Variants in GALNT13 observed in about 807,000 individuals in gnomAD.
GALNT13 encodes the protein UDP-GalNAc:polypeptide N-acetylgalactosaminyltransferase 13.
Under a neutral mutation model 64.2 loss-of-function variants are expected in GALNT13, and 28 were observed. The ratio of observed to expected loss-of-function variants is 0.44; its 90% CI spans 0.32 to 0.60. GALNT13 has a LOEUF of 0.60. Among genes scored for constraint, GALNT13 ranks in the 20% least tolerant of loss-of-function variants. The pLI, the probability that GALNT13 is intolerant of heterozygous loss-of-function variation, is 0.05. For missense variants in GALNT13, 577 were observed against 669.8 expected (o/e 0.86, Z 1.53); for synonymous variants, 214 against 224.6 (o/e 0.95, Z 0.42).
the GALNT13 span, among the ~76,000 whole-genome samples, chr2:153,350,483 A>G: frequency 1.3e-5 from 2 of 150,396 alleles, no homozygotes; most frequent in African/African-American, 4.9e-5. Flanking sequence ...CCCGGGTTCA[A>G]GCGATTCTCC....
the GALNT13 span, among the ~76,000 whole-genome samples, chr2:153,706,141 C>T: frequency 1.3e-5 from 2 of 151,990 alleles, no homozygotes; most frequent in South Asian, 4.2e-4. Flanking sequence ...GCACTACAGG[C>T]CTGCCCCACC....
At chr2:154,335,440 C>A (rs972969156) in intron 9 of GALNT13, among the ~76,000 whole-genome samples, 6 of 151,874 alleles carry the variant, frequency 4.0e-5, no homozygotes, top group Admixed American at 6.6e-5. Flanking sequence ...GTGTTTTCTC[C>A]CCTTTTCAGG....
chr2:153,289,759 T>C, the GALNT13 span, among the ~76,000 whole-genome samples: 80,965 of 152,044 alleles, frequency 0.53, 22,189 homozygotes, highest in Middle Eastern at 0.65. Context: ...GGGAAGGAGC[T>C]AAACTGCAGG....
chr2:153,739,688 T>G, the GALNT13 span, among the ~76,000 whole-genome samples: 1 of 150,450 alleles, frequency 6.6e-6, no homozygotes, highest in Non-Finnish European at 1.5e-5. Flanking sequence ...CATTAATTGA[T>G]TTATCAATGT....
At chr2:154,297,353 C>T (rs375487987) in intron 8 of GALNT13, among the ~76,000 whole-genome samples, 7 of 152,226 alleles carry the variant, frequency 4.6e-5, no homozygotes, top group African/African-American at 1.7e-4. Flanking sequence ...AGAGGGCTCC[C>T]ACAAAATTCA....
At chr2:154,031,390 A>G (rs1456871785) in intron 3 of GALNT13, among the ~76,000 whole-genome samples, 2 of 152,086 alleles carry the variant, frequency 1.3e-5, no homozygotes, top group African/African-American at 2.4e-5. Flanking sequence ...GAAAGATGGT[A>G]GATTTTTAAT....
the GALNT13 span, among the ~76,000 whole-genome samples, chr2:153,803,317 G>T: frequency 6.6e-6 from 1 of 152,170 alleles, no homozygotes; most frequent in Non-Finnish European, 1.5e-5. Flanking sequence ...TACATTTGAA[G>T]ATAGAGTTTT....
intron 3 of GALNT13, among the ~76,000 whole-genome samples, chr2:154,113,827 G>A (rs947018711): frequency 6.6e-6 from 1 of 152,236 alleles, no homozygotes; most frequent in African/African-American, 2.4e-5. Context: ...GTGCATTGCT[G>A]GCCTTGCCAG....
At chr2:153,407,958 T>C in the GALNT13 span, among the ~76,000 whole-genome samples, 2 of 152,160 alleles carry the variant, frequency 1.3e-5, no homozygotes, top group Non-Finnish European at 2.9e-5. Context: ...GCTGGTGTCA[T>C]AGCATCGAAA....
chr2:153,785,450 G>A, the GALNT13 span, among the ~76,000 whole-genome samples: 3 of 152,114 alleles, frequency 2.0e-5, no homozygotes, highest in South Asian at 2.1e-4. Flanking sequence ...AATCTGAGGC[G>A]ACTATGGACT....
chr2:153,264,580 A>G, the GALNT13 span, among the ~76,000 whole-genome samples: 1 of 152,238 alleles, frequency 6.6e-6, no homozygotes, highest in Non-Finnish European at 1.5e-5. Flanking sequence ...AATGTGGTAC[A>G]TATGAATCAT....
the GALNT13 span, among the ~76,000 whole-genome samples, chr2:153,533,723 C>CTTTTTGTTTTTTTTTTTTT: frequency 2.1e-5 from 1 of 48,734 alleles, no homozygotes; most frequent in East Asian, 1.1e-3. Context: ...TGAGGTTTTT[C>CTTTTTGTTTTTTTTTTTTT]TTTTTTTTTT....
intron 11 of GALNT13, among the ~76,000 whole-genome samples, chr2:154,413,293 G>A (rs1346179797): frequency 6.6e-6 from 1 of 151,778 alleles, no homozygotes; most frequent in Non-Finnish European, 1.5e-5. Context: ...TCTGAAGTCC[G>A]ATTAGTCACC....
intron 10 of GALNT13, among the ~76,000 whole-genome samples, chr2:154,405,806 G>C (rs1377413777): frequency 1.3e-5 from 2 of 152,056 alleles, no homozygotes; most frequent in African/African-American, 2.4e-5. Context: ...CCCTGCGAGA[G>C]TGATCCATAA....
chr2:153,847,556 A>G, the GALNT13 span, among the ~76,000 whole-genome samples: 10 of 152,146 alleles, frequency 6.6e-5, no homozygotes, highest in African/African-American at 2.2e-4. Flanking sequence ...TTTGGAATCA[A>G]TTGCAAAGAG....
intron 11 of GALNT13, among the ~76,000 whole-genome samples, chr2:154,428,630 A>G (rs1452590546): frequency 6.6e-6 from 1 of 152,206 alleles, no homozygotes; most frequent in Non-Finnish European, 1.5e-5. Flanking sequence ...AATGTTTGTG[A>G]CAACCCTACA....
At chr2:154,275,332 T>C (rs185742392) in intron 8 of GALNT13, among the ~76,000 whole-genome samples, 324 of 152,144 alleles carry the variant, frequency 2.1e-3, no homozygotes, top group Admixed American at 3.7e-3. Flanking sequence ...CCTGGAGGCC[T>C]AGGAAGGAAA....
the GALNT13 span, among the ~76,000 whole-genome samples, chr2:153,711,439 C>T: frequency 6.6e-6 from 1 of 152,062 alleles, no homozygotes; most frequent in African/African-American, 2.4e-5. Context: ...TATGCCCAGC[C>T]CTTTACATCT....
chr2:153,945,979 C>T (rs1691711167), intron 3 of GALNT13, among the ~76,000 whole-genome samples: 1 of 152,008 alleles, frequency 6.6e-6, no homozygotes, highest in Non-Finnish European at 1.5e-5. Context: ...TTTTTTATGC[C>T]TTTATACTTC....
Sources: allele counts gnomAD v4.1 joint callset (sites outside exome capture counted in the v4.1 genomes callset), GRCh38; gene constraint gnomAD v4.1.1; transcripts MANE v1.5; gene names NCBI Gene and HGNC (gene_info 2026-07-23, HGNC 2026-07-21).